The following CD36 variants were observed in gnomAD, a reference collection of about 807,000 sequenced individuals.
CD36 encodes the protein platelet glycoprotein 4.
A neutral mutation model predicts 55.2 loss-of-function variants in CD36; 119 were observed. That is an observed-to-expected ratio of 2.15 (90% CI 1.86 to 2.51). CD36 has a LOEUF of 2.51. CD36 is among the 30% of genes most tolerant of loss of function. The pLI is 0.00. For missense variants in CD36, 819 were observed against 555.5 expected (o/e 1.47, Z -4.77); for synonymous variants, 186 against 193.6 (o/e 0.96, Z 0.33).
In CD36 at chr7:80,671,006, T is replaced by C. The variant is rs1450506488; in HGVS notation, c.848T>C (p.Val283Ala). 1 of 1,613,582 alleles carries C rather than the reference T, an allele frequency of 6.2e-7. No homozygotes were observed. Among genetic ancestry groups the C allele is most frequent in the South Asian group, 1.1e-5 (1 of 91,072 alleles). The change falls in exon 10 of 15, where the codon GTT (valine) becomes GCT (alanine). Residue 283 changes from valine to alanine, a missense_variant. Coordinates refer to ENST00000447544, the MANE Select transcript of CD36 (RefSeq NM_001001548.3). ...RSIYAVFESD[V>A]NLKGIPVYRF... is the part of the protein sequence containing the mutation. ...ATCTATGCTGTATTTGAATCCGACG[T>C]TAATCTGAAAGGAATCCCTGTGTAT...
At chr7:80,667,753 T>TG (rs1285096848) in intron 8 of CD36, among the ~76,000 whole-genome samples, 57 of 112,960 alleles carry the variant, frequency 5.0e-4, no homozygotes, top group Middle Eastern at 4.5e-3. Context: ...TTTTGTTTTT[T>TG]TTTTTTTTTT....
intron 1 of CD36, among the ~76,000 whole-genome samples, chr7:80,605,414 C>T (rs765127539): frequency 6.6e-6 from 1 of 152,058 alleles, no homozygotes; most frequent in Non-Finnish European, 1.5e-5. Flanking sequence ...ATGGTGAAAG[C>T]ATATTCATCA....
At chr7:80,640,108 T>C (rs1266149498) in intron 1 of CD36, among the ~76,000 whole-genome samples, 1 of 152,058 alleles carries the variant, frequency 6.6e-6, no homozygotes, top group Non-Finnish European at 1.5e-5. Flanking sequence ...AACTATCAGA[T>C]ACTTAATTCT....
In CD36 at chr7:80,649,232, C is replaced by G. The variant is rs149334176; in HGVS notation, c.120+2372C>G. Among the ~76,000 whole-genome samples the G allele has an allele frequency of 2.0e-3, 309 of 152,122 alleles. 3 individuals carry two copies. The highest frequency in any genetic ancestry group is 7.2e-3 in the African/African-American group (299 of 41,550). ...TCCTTAAATCAACTTGCCAACTCAC[C>G]TAGCCAATAGGGAAAGAAGTCATTC... On this transcript the variant is annotated intron_variant, in intron 3 of 14. Transcript: ENST00000447544.
rs759397538 is a variant in CD36 at position 80,674,194 on chromosome 7, A to G, written c.*47A>G. 5.3e-5 allele frequency: 71 copies of G among 1,346,776 alleles called. No homozygotes were observed. Among genetic ancestry groups the G allele is most frequent in the East Asian group, 2.4e-5 (1 of 41,764 alleles). The allele number at this position is 1,346,776 out of a possible 1,614,324, so 83.4% of individuals were successfully genotyped here. A position where few individuals can be genotyped will look rare whatever the true frequency, so the allele number is the denominator to read the frequency against. On this transcript the variant is annotated intron_variant, in intron 14 of 14. Coordinates refer to ENST00000447544, the MANE Select transcript of CD36 (RefSeq NM_001001548.3). ...TTGCTTCAATAATATTAGCTTATAT[A>G]TTACTTGTTTTCACTTTATCAAAGA... is the stretch of plus-strand genomic sequence containing the variant.
intron 1 of CD36, among the ~76,000 whole-genome samples, chr7:80,639,095 A>G (rs921527782): frequency 3.9e-5 from 6 of 152,214 alleles, no homozygotes; most frequent in African/African-American, 1.4e-4. Flanking sequence ...GATGAAGATC[A>G]TTATACTGCA....
intron 1 of CD36, among the ~76,000 whole-genome samples, chr7:80,611,700 G>A (rs1190918226): frequency 6.6e-6 from 1 of 152,162 alleles, no homozygotes; most frequent in Admixed American, 6.5e-5. Context: ...GGTCGAGGAG[G>A]TGATACTGAA....
chr7:80,633,755 T>C (rs936092072), upstream of CD36, among the ~76,000 whole-genome samples: 3 of 152,074 alleles, frequency 2.0e-5, no homozygotes, highest in Non-Finnish European at 2.9e-5. Flanking sequence ...CCTAAATGTA[T>C]GTATGTATAC....
In CD36 at chr7:80,673,368, C is replaced by A. The variant is rs4645507; in HGVS notation, c.1213C>A (p.Leu405Met). 2 of 1,527,554 alleles carry A rather than the reference C, an allele frequency of 1.3e-6. No homozygotes were observed. The highest frequency in any genetic ancestry group is 1.4e-5 in the African/African-American group (1 of 73,120). The allele number at this position is 1,527,554 out of a possible 1,614,324, so 94.6% of individuals were successfully genotyped here. The change falls in exon 13 of 15, where the codon CTG becomes ATG. Residue 405 changes from leucine to methionine, a missense_variant. Leu to Met is a conservative substitution (Grantham distance 15, BLOSUM62 2). Coordinates refer to ENST00000447544, the MANE Select transcript of CD36 (RefSeq NM_001001548.3). ...PSEKIQVLKNLKRNYIVPILW... is the reference protein window; with the variant it reads ...PSEKIQVLKNMKRNYIVPILW... ...CGTATATTACAGAGTATTAAAGAAT[C>A]TGAAGAGGAACTATATTGTGCCTAT...
chr7:80,627,090 T>G (rs113115387), intron 1 of CD36, among the ~76,000 whole-genome samples: 1,832 of 152,162 alleles, frequency 0.012, 38 homozygotes, highest in African/African-American at 0.041. Context: ...ATTTATGCAT[T>G]TTGTTTTGAT....
chr7:80,662,798 G>A (rs993766848), intron 5 of CD36, among the ~76,000 whole-genome samples, 192 bp from the exon 6 acceptor site: 1 of 152,122 alleles, frequency 6.6e-6, no homozygotes, highest in Non-Finnish European at 1.5e-5. Flanking sequence ...CTTGTGGCTG[G>A]CACTGAGGCA....
intron 1 of CD36, among the ~76,000 whole-genome samples, chr7:80,609,805 C>A (rs1462047960): frequency 6.6e-6 from 1 of 152,100 alleles, no homozygotes; most frequent in African/African-American, 2.4e-5. Flanking sequence ...GTATTAGAGT[C>A]AGAAAAAATA....
intron 7 of CD36, chr7:80,666,072 C>T (rs1248249576): frequency 1.4e-5 from 3 of 216,720 alleles, no homozygotes; most frequent in African/African-American, 7.0e-5. Context: ...TTAACACTTT[C>T]CTTCTATTCA....
rs1796113944 is a variant in CD36, at chr7:80,656,666, A to G, written c.247A>G (p.Ile83Val). The G allele has an allele frequency of 8.7e-6, 14 of 1,613,830 alleles. No homozygotes were observed. Among genetic ancestry groups the G allele is most frequent in the Non-Finnish European group, 1.2e-5 (14 of 1,179,796 alleles). ...PQEVMMNSSN[I>V]QVKQRGPYTY... ...GGAAGTGATGATGAACAGCAGCAAC[A>G]TTCAAGTTAAGCAAAGAGGTCCTTA... Residue 83 changes from isoleucine to valine, a missense_variant, in exon 4 of 15, where the codon ATT becomes GTT. Coordinates refer to ENST00000447544, the MANE Select transcript of CD36 (RefSeq NM_001001548.3).
intron 5 of CD36, chr7:80,662,421 G>A (rs1796612084): frequency 4.2e-6 from 1 of 238,722 alleles, no homozygotes; most frequent in Non-Finnish European, 9.2e-6. Context: ...GAGACCTGTT[G>A]GAGCTTGTGG....
chr7:80,656,274 C>T (rs1377179790), intron 3 of CD36, among the ~76,000 whole-genome samples: 1 of 152,110 alleles, frequency 6.6e-6, no homozygotes, highest in Non-Finnish European at 1.5e-5. Context: ...GCCGAAGGGT[C>T]ACTTTAAAGT....
At chr7:80,657,135 GC>G (rs1237730590) in intron 4 of CD36, among the ~76,000 whole-genome samples, 1 of 152,028 alleles carries the variant, frequency 6.6e-6, no homozygotes, top group Non-Finnish European at 1.5e-5. Flanking sequence ...GTGTAGCTGG[GC>G]CACAGCAAAG....
chr7:80,647,493 G>T (rs2116417478), intron 3 of CD36, among the ~76,000 whole-genome samples: 1 of 152,240 alleles, frequency 6.6e-6, no homozygotes, highest in East Asian at 1.9e-4. Flanking sequence ...TGACTGTAGT[G>T]TGAAAAAACA....
intron 1 of CD36, among the ~76,000 whole-genome samples, chr7:80,632,549 G>T (rs1156668828): frequency 6.6e-6 from 1 of 151,992 alleles, no homozygotes; most frequent in Non-Finnish European, 1.5e-5. Context: ...TTAAAAGATA[G>T]ATTTGCCAGC....
Sources: gnomAD v4.1 joint callset for allele counts (sites outside exome capture counted in the v4.1 genomes callset) on GRCh38, gnomAD v4.1.1 for gene constraint, MANE v1.5 for transcripts, NCBI Gene and HGNC (gene_info 2026-07-23, HGNC 2026-07-21) for gene names.